The following USP28 variants were observed in gnomAD, a reference collection of about 807,000 sequenced individuals.
USP28 encodes ubiquitin carboxyl-terminal hydrolase 28.
USP28 carries 113 observed loss-of-function variants against 145.0 expected under a neutral mutation model. The observed-to-expected ratio is 0.78, with a 90% CI of 0.67 to 0.91. USP28 has a LOEUF of 0.91. USP28 is among the 40% of genes least tolerant of loss of function. USP28 has a pLI of 0.00. For missense variants in USP28, 1,201 were observed against 1,289.6 expected (o/e 0.93, Z 1.05); for synonymous variants, 447 against 450.9 (o/e 0.99, Z 0.11).
chr11:113,841,783 G>T lies in USP28; in HGVS notation c.269-15C>A. On this transcript the variant is annotated splice_polypyrimidine_tract_variant and intron_variant, in intron 3 of 24. Coordinates refer to ENST00000003302, the Ensembl canonical transcript of USP28. Reference sequence around the variant, plus strand: ...GTCTATAACTTCTGTAAGATAAACAGAAATTTAATTAGTCTATATATAGGA... The same window carrying T: ...GTCTATAACTTCTGTAAGATAAACATAAATTTAATTAGTCTATATATAGGA... The T allele has an allele frequency of 6.4e-7, 1 of 1,569,386 alleles. No homozygotes were observed. The highest frequency in any genetic ancestry group is 1.1e-5 in the South Asian group (1 of 88,588).
rs760162146 is a variant in USP28 at position 113,808,160 on chromosome 11, AGAGT to A, written c.2304+134_2304+137del. ...AGCTGTGGCAGCAGAGTGGGGAGAA[AGAGT>A]AAGAAAAAACAGGAGAAATAAATAG... On this transcript the variant is annotated intron_variant, in intron 18 of 24. Coordinates refer to ENST00000003302, the Ensembl canonical transcript of USP28. 5 of 1,519,924 alleles carry A rather than the reference AGAGT, an allele frequency of 3.3e-6. No individual in the cohort carries two copies. The East Asian group carries it at 9.2e-5, about 28-fold the overall frequency. The allele number at this position is 1,519,924 out of a possible 1,614,324, so 94.2% of individuals were successfully genotyped here. A position where few individuals can be genotyped will look rare whatever the true frequency, so the allele number is the denominator to read the frequency against.
intron 14 of USP28, among the ~76,000 whole-genome samples, chr11:113,814,257 A>G (rs536172498): frequency 6.6e-6 from 1 of 152,336 alleles, no homozygotes; most frequent in South Asian, 2.1e-4. Flanking sequence ...TATGCCTCAG[A>G]CAGGATCTGA....
At chr11:113,834,780 A>G (rs1944382228) in intron 5 of USP28, among the ~76,000 whole-genome samples, 1 of 152,262 alleles carries the variant, frequency 6.6e-6, no homozygotes, top group African/African-American at 2.4e-5. Flanking sequence ...CAGTCATTGA[A>G]ATAATATTGT....
chr11:113,812,352 ATC>A lies in USP28; in HGVS notation c.1894_1895del (p.Asp632PhefsTer9). On this transcript the variant is annotated frameshift_variant, in exon 16 of 25. Coordinates refer to ENST00000003302, the Ensembl canonical transcript of USP28. LOFTEE classifies it high-confidence loss of function. ...TAACATTTCTCAGGCCTCCATAGGA[ATC>A]TCTTTCAACTTCTTCCCAGGAAGAT... 2 of 1,614,138 alleles carry A rather than the reference ATC, an allele frequency of 1.2e-6. No individual in the cohort carries two copies. Among genetic ancestry groups the A allele is most frequent in the Non-Finnish European group, 1.7e-6 (2 of 1,180,012 alleles).
chr11:113,851,645 A>G (rs777081579), intron 3 of USP28, among the ~76,000 whole-genome samples: 12 of 152,022 alleles, frequency 7.9e-5, no homozygotes, highest in Non-Finnish European at 1.8e-4. Context: ...AAATACAAAC[A>G]ATTAGCCAGG....
intron 13 of USP28, among the ~76,000 whole-genome samples, chr11:113,816,304 C>A (rs752071744): frequency 6.6e-6 from 1 of 152,166 alleles, no homozygotes; most frequent in Non-Finnish European, 1.5e-5. Context: ...ATTACCAGGT[C>A]AAGAGATCGA....
chr11:113,803,370 A>G lies in USP28; in HGVS notation c.2739-89T>C. ...TCACTTTTCCCCATTTCAAGAACCT[A>G]CTTGGCTGCAATTCTGAAAAAGTGA... On this transcript the variant is annotated intron_variant, in intron 22 of 24. Coordinates refer to ENST00000003302, the Ensembl canonical transcript of USP28. 3 of 1,392,252 alleles carry G rather than the reference A, an allele frequency of 2.2e-6. No homozygotes were observed. In the South Asian group the frequency reaches 4.7e-5, roughly 22 times the overall value. The allele number at this position is 1,392,252 out of a possible 1,614,324, so 86.2% of individuals were successfully genotyped here.
At chr11:113,801,297 G>A (rs1565313651) in intron 24 of USP28, among the ~76,000 whole-genome samples, 186 bp downstream of exon 25, 1 of 152,106 alleles carries the variant, frequency 6.6e-6, no homozygotes, top group Non-Finnish European at 1.5e-5. Context: ...GCTAAAGGGA[G>A]GTTAAGAGGG....
intron 12 of USP28, among the ~76,000 whole-genome samples, chr11:113,819,178 T>A (rs1942224065): frequency 6.6e-6 from 1 of 151,696 alleles, no homozygotes; most frequent in Non-Finnish European, 1.5e-5. Context: ...AGCGGCACGA[T>A]CTCGGCTTAC....
chr11:113,827,068 T>C (rs974998470), intron 11 of USP28, among the ~76,000 whole-genome samples, 165 bp downstream of exon 11: 1 of 151,722 alleles, frequency 6.6e-6, no homozygotes, highest in African/African-American at 2.4e-5. Context: ...AGCACAACCC[T>C]GGGAGGTCTC....
intron 4 of USP28, 142 bp downstream of exon 4, chr11:113,841,521 G>T: frequency 1.9e-6 from 1 of 535,468 alleles, no homozygotes; most frequent in Non-Finnish European, 3.3e-6. Context: ...CAAAGAGTAA[G>T]CTAATGCAAA....
chr11:113,852,500 C>T lies in USP28; in HGVS notation c.268+1G>A. Reference sequence around the variant, plus strand: ...ACCAAGACAGGATATATGGTACCTACTTGCTAATACTTCCTTGTTGGCAGC... The same window carrying T: ...ACCAAGACAGGATATATGGTACCTATTTGCTAATACTTCCTTGTTGGCAGC... On this transcript the variant is annotated splice_donor_variant, in intron 3 of 24. Coordinates refer to ENST00000003302, the Ensembl canonical transcript of USP28. LOFTEE classifies it high-confidence loss of function. The T allele has an allele frequency of 6.2e-7, 1 of 1,612,444 alleles. No individual in the cohort carries two copies. The highest frequency in any genetic ancestry group is 8.5e-7 in the Non-Finnish European group (1 of 1,180,002).
intron 10 of USP28, 119 bp from the exon 11 acceptor site, chr11:113,827,479 G>T: frequency 9.5e-7 from 1 of 1,051,718 alleles, no homozygotes; most frequent in Middle Eastern, 3.3e-4. Flanking sequence ...TATACTCAAG[G>T]CAAACTCATA....
chr11:113,827,179 T>C (rs1392941020), intron 11 of USP28, 54 bp downstream of exon 11: 2 of 1,569,862 alleles, frequency 1.3e-6, no homozygotes, highest in Non-Finnish European at 1.7e-6. Context: ...TAGTACGTGC[T>C]CATCTCTACT....
At chr11:113,850,980 C>T (rs1457268610) in intron 3 of USP28, among the ~76,000 whole-genome samples, 2 of 152,218 alleles carry the variant, frequency 1.3e-5, no homozygotes, top group East Asian at 1.9e-4. Flanking sequence ...TCTGCTCCAC[C>T]TACAGTGATT....
intron 12 of USP28, among the ~76,000 whole-genome samples, chr11:113,820,139 C>A (rs773349833): frequency 2.0e-5 from 3 of 152,148 alleles, no homozygotes; most frequent in Admixed American, 6.5e-5. Flanking sequence ...AAACACTTTA[C>A]AAATTCTTTT....
At chr11:113,866,102 T>G (rs956415524) in intron 1 of USP28, among the ~76,000 whole-genome samples, 2 of 152,200 alleles carry the variant, frequency 1.3e-5, no homozygotes, top group East Asian at 1.9e-4. Flanking sequence ...AAGACCAGCC[T>G]GGCCAACATG....
At chr11:113,850,877 TCCA>T (rs1446044152) in intron 3 of USP28, among the ~76,000 whole-genome samples, 1 of 152,180 alleles carries the variant, frequency 6.6e-6, no homozygotes, top group Non-Finnish European at 1.5e-5. Flanking sequence ...CACCTGGGTC[TCCA>T]CCATCTTTCT....
chr11:113,812,386 A>G, exon 16 of USP28: 2 of 1,614,116 alleles, frequency 1.2e-6, no homozygotes, highest in South Asian at 1.1e-5. Flanking sequence ...AGATTCAGTA[A>G]CAGAGATGTC....
Sources: allele counts gnomAD v4.1 joint callset (sites outside exome capture counted in the v4.1 genomes callset), GRCh38; gene constraint gnomAD v4.1.1; transcripts MANE v1.5; gene names NCBI Gene and HGNC (gene_info 2026-07-23, HGNC 2026-07-21).